ENTREP2: variants seen among roughly 807,000 people sequenced by gnomAD.
The protein encoded by ENTREP2 is protein ENTREP2.
the ENTREP2 span, among the ~76,000 whole-genome samples, chr15:29,342,199 C>T: frequency 2.6e-5 from 4 of 152,104 alleles, no homozygotes; most frequent in South Asian, 2.1e-4. Flanking sequence ...GATGAGGGGA[C>T]GGACTGCAGG....
the ENTREP2 span, among the ~76,000 whole-genome samples, chr15:29,534,486 AG>A: frequency 6.6e-6 from 1 of 152,252 alleles, no homozygotes; most frequent in African/African-American, 2.4e-5. Context: ...CTTTAGCAAC[AG>A]GGCAAACAAG....
the ENTREP2 span, among the ~76,000 whole-genome samples, chr15:29,570,995 C>G: frequency 6.9e-6 from 1 of 145,418 alleles, no homozygotes; most frequent in Non-Finnish European, 1.5e-5. Context: ...GCCCGCCCCG[C>G]GCGCTCCCCG....
the ENTREP2 span, among the ~76,000 whole-genome samples, chr15:29,347,949 T>C: frequency 6.6e-6 from 1 of 152,170 alleles, no homozygotes; most frequent in Admixed American, 6.5e-5. Flanking sequence ...TGTCATGGCA[T>C]TCTGGAGGGC....
At chr15:29,396,530 GATTTTCCAGTACTTTTTCCC>G in the ENTREP2 span, among the ~76,000 whole-genome samples, 2 of 152,152 alleles carry the variant, frequency 1.3e-5, no homozygotes, top group African/African-American at 4.8e-5. Context: ...TGAAATATGT[GATTTTCCAGTACTTTTTCCC>G]ATTCTGTGGG....
At chr15:29,510,522 G>T in the ENTREP2 span, among the ~76,000 whole-genome samples, 1 of 152,118 alleles carries the variant, frequency 6.6e-6, no homozygotes, top group Non-Finnish European at 1.5e-5. Flanking sequence ...ATGTTAGACT[G>T]GATAAAAATG....
At chr15:29,609,419 C>T in the ENTREP2 span, among the ~76,000 whole-genome samples, 189 of 150,050 alleles carry the variant, frequency 1.3e-3, 3 homozygotes, top group Middle Eastern at 6.9e-3. Flanking sequence ...GAGGTGGGAC[C>T]TCTAAGAGGT....
At chr15:29,477,263 G>A in the ENTREP2 span, among the ~76,000 whole-genome samples, 1 of 152,204 alleles carries the variant, frequency 6.6e-6, no homozygotes, top group South Asian at 2.1e-4. Flanking sequence ...GCAGTAAGTA[G>A]AAGGGAGCAC....
chr15:29,655,623 A>C, the ENTREP2 span, among the ~76,000 whole-genome samples: 480 of 152,344 alleles, frequency 3.2e-3, 2 homozygotes, highest in African/African-American at 0.011. Context: ...TAATATGTGA[A>C]AGGCTTGTGG....
the ENTREP2 span, among the ~76,000 whole-genome samples, chr15:29,502,050 T>C: frequency 6.6e-6 from 1 of 151,978 alleles, no homozygotes; most frequent in East Asian, 1.9e-4. Context: ...ATATCTAATG[T>C]TAATGGACAG....
chr15:29,268,178 G>T, the ENTREP2 span: 1 of 152,088 alleles, frequency 6.6e-6, no homozygotes, highest in African/African-American at 2.4e-5. Context: ...AGTATTTATT[G>T]TAATAACTAC....
chr15:29,179,253 A>G, the ENTREP2 span, among the ~76,000 whole-genome samples: 1 of 152,222 alleles, frequency 6.6e-6, no homozygotes, highest in Non-Finnish European at 1.5e-5. Context: ...GCTCAATTTC[A>G]TTTTCCTCCT....
the ENTREP2 span, among the ~76,000 whole-genome samples, chr15:29,232,033 G>A: frequency 6.6e-6 from 1 of 152,028 alleles, no homozygotes; most frequent in East Asian, 1.9e-4. Flanking sequence ...GGGATTACAG[G>A]CGTGGGCCAC....
At chr15:29,272,018 CCT>C in the ENTREP2 span, among the ~76,000 whole-genome samples, 488 of 152,236 alleles carry the variant, frequency 3.2e-3, 1 homozygote, top group African/African-American at 0.011. Flanking sequence ...TCAGACTACC[CCT>C]GTCACTGTGA....
the ENTREP2 span, among the ~76,000 whole-genome samples, chr15:29,401,325 A>C: frequency 2.0e-5 from 3 of 152,366 alleles, no homozygotes; most frequent in South Asian, 6.2e-4. Context: ...TAAATTAATA[A>C]AAGAAACAAC....
At chr15:29,648,990 A>C in the ENTREP2 span, among the ~76,000 whole-genome samples, 1 of 151,582 alleles carries the variant, frequency 6.6e-6, no homozygotes, top group Non-Finnish European at 1.5e-5. Context: ...CTTTCACCCA[A>C]AGTTGAGCCA....
At chr15:29,174,702 C>CAAAAAAA in the ENTREP2 span, among the ~76,000 whole-genome samples, 21 of 115,958 alleles carry the variant, frequency 1.8e-4, no homozygotes, top group African/African-American at 6.7e-4. Flanking sequence ...CAAAACAAAA[C>CAAAAAAA]AAAACAACAA....
the ENTREP2 span, among the ~76,000 whole-genome samples, chr15:29,198,191 C>T: frequency 6.6e-6 from 1 of 152,196 alleles, no homozygotes; most frequent in Non-Finnish European, 1.5e-5. Context: ...GTAGAGGTGT[C>T]AGCTTGCAGC....
the ENTREP2 span, among the ~76,000 whole-genome samples, chr15:29,547,587 T>C: frequency 6.6e-6 from 1 of 152,082 alleles, no homozygotes; most frequent in Non-Finnish European, 1.5e-5. Context: ...CAAAACATAA[T>C]AACAAGTGTT....
At chr15:29,142,298 G>A in the ENTREP2 span, among the ~76,000 whole-genome samples, 4 of 152,186 alleles carry the variant, frequency 2.6e-5, no homozygotes, top group African/African-American at 9.7e-5. Context: ...GAGATGACTG[G>A]TTGACAGATG....
Sources: allele counts gnomAD v4.1 joint callset (sites outside exome capture counted in the v4.1 genomes callset), GRCh38; gene constraint gnomAD v4.1.1; transcripts MANE v1.5; gene names NCBI Gene and HGNC (gene_info 2026-07-23, HGNC 2026-07-21).